The following COMMD10 variants were observed in gnomAD, a reference collection of about 807,000 sequenced individuals.
COMMD10 encodes the protein COMM domain containing 10.
In COMMD10, 33 loss-of-function variants were observed where a neutral mutation model predicts 28.9. That is an observed-to-expected ratio of 1.14 (90% CI 0.87 to 1.53). COMMD10 has a LOEUF of 1.53. Ranked by LOEUF, COMMD10 falls within the 40% of genes most tolerant of loss-of-function variation. COMMD10 has a pLI of 0.00. For missense variants in COMMD10, 310 were observed against 233.4 expected (o/e 1.33, Z -2.14); for synonymous variants, 110 against 81.7 (o/e 1.35, Z -1.87).
intron 5 of COMMD10, among the ~76,000 whole-genome samples, chr5:116,205,203 T>G (rs982127165): frequency 2.0e-5 from 3 of 152,190 alleles, no homozygotes; most frequent in Admixed American, 2.0e-4. Context: ...TCTTCATAAG[T>G]GAAAACATTC....
chr5:116,143,452 T>A lies in COMMD10; in HGVS notation c.510+9274T>A, dbSNP rs572615431. On this transcript the variant is annotated intron_variant, in intron 5 of 6. Coordinates refer to ENST00000274458, the MANE Select transcript of COMMD10 (RefSeq NM_016144.4). Reference sequence around the variant, plus strand: ...TTTTAGGCAATTTAGAATTAAAATATTGTTTTACTAAAATTCTTTTAAAAA... The same window carrying A: ...TTTTAGGCAATTTAGAATTAAAATAATGTTTTACTAAAATTCTTTTAAAAA... 2.0e-5 allele frequency among the ~76,000 whole-genome samples: 3 copies of A among 151,946 alleles called. No homozygotes were observed. In the East Asian group the frequency reaches 5.8e-4, roughly 29 times the overall value.
intron 4 of COMMD10, among the ~76,000 whole-genome samples, chr5:116,125,024 CTCT>C (rs1323237831): frequency 1.3e-5 from 2 of 151,876 alleles, no homozygotes; most frequent in Non-Finnish European, 2.9e-5. Flanking sequence ...CAGTCTGTGT[CTCT>C]TAATTGGAAC....
chr5:116,166,162 G>GTTAGTA (rs5870690), intron 5 of COMMD10, among the ~76,000 whole-genome samples: 2 of 151,938 alleles, frequency 1.3e-5, no homozygotes, highest in Admixed American at 6.6e-5. Flanking sequence ...GTCAAATGGC[G>GTTAGTA]ATAGTTGTTC....
intron 5 of COMMD10, among the ~76,000 whole-genome samples, chr5:116,244,586 T>C (rs1311807984): frequency 2.0e-5 from 3 of 147,126 alleles, no homozygotes; most frequent in Non-Finnish European, 4.4e-5. Context: ...TTTCCCCGGC[T>C]GAATCTTAAA....
chr5:116,132,863 A>T (rs1751903202), intron 4 of COMMD10, among the ~76,000 whole-genome samples: 1 of 152,094 alleles, frequency 6.6e-6, no homozygotes, highest in Admixed American at 6.6e-5. Flanking sequence ...TATTATAGAG[A>T]TATTATAGAT....
At position 116,259,216 on chromosome 5, in the gene COMMD10, C is replaced by G. The variant is rs1315417446; in HGVS notation, c.511-32301C>G. Reference sequence around the variant, plus strand: ...TACCTGGGATTACAGGTGCACGCCACCATGCCTGGCCAATTTTTGTATTTT... The same window carrying G: ...TACCTGGGATTACAGGTGCACGCCAGCATGCCTGGCCAATTTTTGTATTTT... On this transcript the variant is annotated intron_variant, in intron 5 of 6. Transcript: ENST00000274458. Among the ~76,000 whole-genome samples, 4 of 151,476 alleles carry G rather than the reference C, an allele frequency of 2.6e-5. No individual in the cohort carries two copies. In the East Asian group the frequency reaches 7.8e-4, roughly 29 times the overall value.
In COMMD10 at chr5:116,293,080, A is replaced by T. The variant is rs1162567954; in HGVS notation, c.*591A>T. 2.5e-6 allele frequency: 1 copy of T among 396,912 alleles called. No homozygotes were observed. The highest frequency in any genetic ancestry group is 4.4e-6 in the Non-Finnish European group (1 of 225,020). 24.6% of individuals were successfully genotyped at this position (396,912 alleles called of 1,614,324 possible). ...CTTCAGTTTCTCTCTCAGTTTAATG[A>T]TTTAATAATAGTCCAGGTTTTTGTG... is the stretch of plus-strand genomic sequence containing the variant. On this transcript the variant is annotated 3_prime_UTR_variant, in exon 7 of 7. Transcript: ENST00000274458.
chr5:116,185,899 A>G (rs570555072), intron 5 of COMMD10, among the ~76,000 whole-genome samples: 16 of 152,124 alleles, frequency 1.1e-4, no homozygotes, highest in Middle Eastern at 3.4e-3. Context: ...TTCTTTTCCC[A>G]TTAGTCTTCT....
chr5:116,254,453 C>G (rs1260876411), intron 5 of COMMD10, among the ~76,000 whole-genome samples: 1 of 151,168 alleles, frequency 6.6e-6, no homozygotes, highest in Non-Finnish European at 1.5e-5. Context: ...AAATTTCCCT[C>G]TACACACTGC....
At chr5:116,253,123 T>C (rs1580585432) in intron 5 of COMMD10, among the ~76,000 whole-genome samples, 2 of 90,906 alleles carry the variant, frequency 2.2e-5, no homozygotes, top group Non-Finnish European at 5.8e-5. Flanking sequence ...ATAAGAATGC[T>C]TGTGATTTTT....
intron 5 of COMMD10, among the ~76,000 whole-genome samples, chr5:116,290,483 T>C (rs531065282): frequency 1.1e-4 from 17 of 151,984 alleles, no homozygotes; most frequent in Non-Finnish European, 2.2e-4. Flanking sequence ...TTGACTCTTC[T>C]GGAATTAGTT....
At chr5:116,107,080 C>T (rs1750863616) in intron 4 of COMMD10, among the ~76,000 whole-genome samples, 1 of 151,952 alleles carries the variant, frequency 6.6e-6, no homozygotes, top group Non-Finnish European at 1.5e-5. Context: ...CTGTGGGTAA[C>T]CTGACCTTTC....
chr5:116,134,009 A>C, intron 4 of COMMD10, 59 bp from the exon 5 acceptor site: 1 of 984,490 alleles, frequency 1.0e-6, no homozygotes, highest in South Asian at 1.3e-5. Flanking sequence ...ATTTGCTTAA[A>C]GTTGACTGTT....
At chr5:116,123,261 G>A (rs1019679907) in intron 4 of COMMD10, among the ~76,000 whole-genome samples, 2 of 152,070 alleles carry the variant, frequency 1.3e-5, no homozygotes, top group African/African-American at 4.8e-5. Context: ...CTAATTTATT[G>A]AGTGATTTTA....
At chr5:116,102,443 G>C (rs1194760867) in intron 4 of COMMD10, among the ~76,000 whole-genome samples, 1 of 152,122 alleles carries the variant, frequency 6.6e-6, no homozygotes, top group African/African-American at 2.4e-5. Context: ...GTACCATGCT[G>C]TTTTGGTTAT....
At chr5:116,217,468 CCTGA>C (rs1323137369) in intron 5 of COMMD10, among the ~76,000 whole-genome samples, 1 of 152,072 alleles carries the variant, frequency 6.6e-6, no homozygotes, top group African/African-American at 2.4e-5. Context: ...ACAAGCTGAC[CCTGA>C]CTATCAGGAA....
At chr5:116,112,986 G>A (rs1751106173) in intron 4 of COMMD10, among the ~76,000 whole-genome samples, 1 of 152,044 alleles carries the variant, frequency 6.6e-6, no homozygotes, top group African/African-American at 2.4e-5. Context: ...GGACTTCTTT[G>A]AGCATTTCCT....
At chr5:116,178,108 ATT>A (rs1342740959) in intron 5 of COMMD10, among the ~76,000 whole-genome samples, 1 of 152,104 alleles carries the variant, frequency 6.6e-6, no homozygotes, top group African/African-American at 2.4e-5. Flanking sequence ...ATGTTTAGGT[ATT>A]TAGCTGTATG....
chr5:116,221,975 G>A (rs1749271892), intron 5 of COMMD10, among the ~76,000 whole-genome samples: 1 of 152,200 alleles, frequency 6.6e-6, no homozygotes, highest in Non-Finnish European at 1.5e-5. Flanking sequence ...AACTGAATCT[G>A]TCAATGTCCG....
Sources: allele counts gnomAD v4.1 joint callset (sites outside exome capture counted in the v4.1 genomes callset), GRCh38; gene constraint gnomAD v4.1.1; transcripts MANE v1.5; gene names NCBI Gene and HGNC (gene_info 2026-07-23, HGNC 2026-07-21).